The following NR3C2 variants were observed in gnomAD, a reference collection of about 807,000 sequenced individuals.
NR3C2 encodes the protein nuclear receptor subfamily 3 group C member 2, also known as mineralocorticoid receptor.
Under a neutral mutation model 86.4 loss-of-function variants are expected in NR3C2, and 15 were observed. That is an observed-to-expected ratio of 0.17 (90% CI 0.12 to 0.27). The LOEUF (loss-of-function observed/expected upper bound fraction) is 0.27. NR3C2 is among the 10% of genes least tolerant of loss of function. The pLI, the probability that NR3C2 is intolerant of heterozygous loss-of-function variation, is 1.00. For missense variants in NR3C2, 960 were observed against 1,195.6 expected, an observed-to-expected ratio of 0.80 and a Z score of 2.91; for synonymous variants, 458 against 450.5, an observed-to-expected ratio of 1.02 and a Z score of -0.21.
chr4:148,305,562 A>C (rs1433984592), intron 2 of NR3C2, among the ~76,000 whole-genome samples: 1 of 148,224 alleles, frequency 6.7e-6, no homozygotes, highest in Non-Finnish European at 1.5e-5. Flanking sequence ...AAAAAAAATC[A>C]CGACTTGTGA....
intron 2 of NR3C2, among the ~76,000 whole-genome samples, chr4:148,325,032 A>T (rs1743883526): frequency 6.6e-6 from 1 of 152,210 alleles, no homozygotes; most frequent in African/African-American, 2.4e-5. Flanking sequence ...GTATAACCAT[A>T]AATTTATCAT....
chr4:148,197,241 C>T (rs1351088835), intron 3 of NR3C2, among the ~76,000 whole-genome samples: 3 of 152,218 alleles, frequency 2.0e-5, no homozygotes, highest in Non-Finnish European at 4.4e-5. Context: ...GCACACTCTA[C>T]TAGCCAGCAT....
intron 8 of NR3C2, among the ~76,000 whole-genome samples, chr4:148,100,769 T>C (rs371488080): frequency 8.5e-5 from 13 of 152,380 alleles, no homozygotes; most frequent in African/African-American, 3.1e-4. Context: ...TATACATCCA[T>C]GTTCATAGCA....
At chr4:148,253,589 T>C (rs1305796095) in intron 3 of NR3C2, among the ~76,000 whole-genome samples, 1 of 152,200 alleles carries the variant, frequency 6.6e-6, no homozygotes, top group Non-Finnish European at 1.5e-5. Flanking sequence ...TCTGAAATCC[T>C]TATTTTTAAT....
At chr4:148,321,633 T>C (rs1206687114) in intron 2 of NR3C2, among the ~76,000 whole-genome samples, 21 of 152,308 alleles carry the variant, frequency 1.4e-4, no homozygotes, top group Non-Finnish European at 1.5e-5. Context: ...CATTATGTAA[T>C]GGCCTTCTTT....
intron 6 of NR3C2, among the ~76,000 whole-genome samples, chr4:148,145,175 C>T (rs542956803): frequency 1.2e-4 from 18 of 152,230 alleles, no homozygotes; most frequent in Admixed American, 8.5e-4. Flanking sequence ...CTCAAGCACG[C>T]GCATGAAGAG....
rs1180295349 is a variant in NR3C2, at chr4:148,207,955, CATA to C, written c.1898-13096_1898-13094del. ...TTTGGATGTGATCTCTCTCTCTTCT[CATA>C]ATATCTTATTATACTACACTTACCT... On this transcript the variant is annotated intron_variant, in intron 3 of 8. Coordinates refer to ENST00000358102, the MANE Select transcript of NR3C2 (RefSeq NM_000901.5). 3.3e-5 allele frequency: 5 copies of C among 152,338 alleles called. No individual in the cohort carries two copies. In the East Asian group the frequency reaches 9.6e-4, roughly 29 times the overall value. 9.4% of individuals were successfully genotyped at this position (152,338 alleles called of 1,614,324 possible).
intron 2 of NR3C2, among the ~76,000 whole-genome samples, chr4:148,300,364 G>C (rs1280481712): frequency 6.6e-6 from 1 of 152,160 alleles, no homozygotes; most frequent in Admixed American, 6.5e-5. Flanking sequence ...CTTTGGTAAG[G>C]TTCAAAAACC....
chr4:148,246,287 T>C (rs1456765582), intron 3 of NR3C2, among the ~76,000 whole-genome samples: 2 of 152,204 alleles, frequency 1.3e-5, no homozygotes, highest in Non-Finnish European at 2.9e-5. Context: ...AAATCACCTA[T>C]AATGCATAGT....
intron 2 of NR3C2, among the ~76,000 whole-genome samples, chr4:148,301,018 G>C: frequency 6.6e-6 from 1 of 152,168 alleles, no homozygotes; most frequent in Middle Eastern, 3.2e-3. Context: ...ATTACAGGCA[G>C]ATGGATCCCT....
At chr4:148,297,357 G>A (rs919254578) in intron 2 of NR3C2, among the ~76,000 whole-genome samples, 4 of 152,162 alleles carry the variant, frequency 2.6e-5, no homozygotes. Flanking sequence ...CATTTCAAAA[G>A]ACTATGCATT....
intron 2 of NR3C2, among the ~76,000 whole-genome samples, chr4:148,354,653 A>C (rs185190916): frequency 1.1e-3 from 175 of 152,354 alleles, no homozygotes; most frequent in African/African-American, 4.1e-3. Context: ...ATTCTAAAAT[A>C]ACAAGATCCT....
upstream of NR3C2, chr4:148,442,691 G>T (rs931439997): frequency 2.0e-6 from 2 of 985,306 alleles, no homozygotes; most frequent in Non-Finnish European, 2.4e-6. Context: ...ATACAAAGTT[G>T]CTGCGACACA....
chr4:148,188,769 G>A (rs1243060742), intron 4 of NR3C2, among the ~76,000 whole-genome samples: 1 of 152,064 alleles, frequency 6.6e-6, no homozygotes, highest in Admixed American at 6.6e-5. Context: ...CCAGTACTAT[G>A]TTGAAGAGGA....
At chr4:148,217,338 C>A (rs924541674) in intron 3 of NR3C2, among the ~76,000 whole-genome samples, 1 of 152,196 alleles carries the variant, frequency 6.6e-6, no homozygotes, top group Non-Finnish European at 1.5e-5. Flanking sequence ...AATACGAATA[C>A]AGAAAACTCT....
intron 2 of NR3C2, among the ~76,000 whole-genome samples, chr4:148,308,772 G>C (rs761101974): frequency 6.6e-4 from 100 of 152,144 alleles, no homozygotes; most frequent in Non-Finnish European, 1.2e-3. Flanking sequence ...GCTTGCTCGA[G>C]CTCAGGAGTT....
intron 2 of NR3C2, among the ~76,000 whole-genome samples, chr4:148,363,303 TC>T (rs1181453918): frequency 1.2e-4 from 18 of 152,162 alleles, no homozygotes; most frequent in Admixed American, 8.5e-4. Context: ...ATTTTAAATA[TC>T]CCAAGTCAAA....
At chr4:148,312,125 C>G (rs902286422) in intron 2 of NR3C2, among the ~76,000 whole-genome samples, 1 of 152,104 alleles carries the variant, frequency 6.6e-6, no homozygotes, top group African/African-American at 2.4e-5. Context: ...CTTATACTGG[C>G]TCGTGGAAGC....
chr4:148,175,806 G>A (rs758006239), intron 4 of NR3C2, among the ~76,000 whole-genome samples: 2 of 152,062 alleles, frequency 1.3e-5, no homozygotes, highest in Non-Finnish European at 2.9e-5. Flanking sequence ...GACTGCTAGA[G>A]TAAGAAAACT....
Sources: allele counts gnomAD v4.1 joint callset (sites outside exome capture counted in the v4.1 genomes callset), GRCh38; gene constraint gnomAD v4.1.1; transcripts MANE v1.5; gene names NCBI Gene and HGNC (gene_info 2026-07-23, HGNC 2026-07-21).